PPP2R2B: variants seen among roughly 807,000 people sequenced by gnomAD.
PPP2R2B encodes the protein serine/threonine-protein phosphatase 2A 55 kDa regulatory subunit B beta isoform.
Under a neutral mutation model 46.0 loss-of-function variants are expected in PPP2R2B, and 5 were observed. The observed-to-expected ratio is 0.11, with a 90% CI of 0.06 to 0.23. PPP2R2B has a LOEUF of 0.23. PPP2R2B is among the 10% of genes least tolerant of loss of function. The pLI, the probability that PPP2R2B is intolerant of heterozygous loss-of-function variation, is 1.00. For missense variants in PPP2R2B, 367 were observed against 575.0 expected (o/e 0.64, Z 3.70); for synonymous variants, 215 against 206.7 (o/e 1.04, Z -0.34).
Position 146,766,498 on chromosome 5 carries a change from A to G in PPP2R2B, c.71-65356T>C, listed in dbSNP as rs10463387. Reference sequence around the variant, plus strand: ...AGAACCAAGTTAAAGTCTGACCAAGACTGAGGTAAAAAACACATAATTCCT... The same window carrying G: ...AGAACCAAGTTAAAGTCTGACCAAGGCTGAGGTAAAAAACACATAATTCCT... On this transcript the variant is annotated intron_variant, in intron 2 of 9. Transcript: ENST00000394411. Among the ~76,000 whole-genome samples, 83 of 152,282 alleles carry G rather than the reference A, an allele frequency of 5.5e-4. 1 individual carries two copies. In the East Asian group the frequency reaches 0.015, roughly 27 times the overall value.
chr5:146,630,361 A>C (rs1774345405), intron 7 of PPP2R2B, among the ~76,000 whole-genome samples: 1 of 152,146 alleles, frequency 6.6e-6, no homozygotes. Flanking sequence ...TTATTTGTAC[A>C]TTTGTGTTTT....
At chr5:146,778,980 G>A (rs945460344) in intron 2 of PPP2R2B, among the ~76,000 whole-genome samples, 1 of 152,156 alleles carries the variant, frequency 6.6e-6, no homozygotes, top group African/African-American at 2.4e-5. Flanking sequence ...TTAATGTGGG[G>A]GATCCAGTGT....
In PPP2R2B at chr5:146,983,850, CT is replaced by C. The variant is rs552781842; in HGVS notation, c.79+71814del. Among the ~76,000 whole-genome samples the C allele has an allele frequency of 3.3e-5, 5 of 151,662 alleles. No homozygotes were observed. In the East Asian group the frequency reaches 9.7e-4, roughly 29 times the overall value. On this transcript the variant is annotated intron_variant, in intron 1 of 8. Coordinates refer to the PPP2R2B transcript ENST00000336640. The stretch of plus-strand genomic sequence containing the variant: ...AATTTTTTTTCTCTTTAGAGGATTT[CT>C]TTTAATCATTCCTTTAGGGTTGATT...
At chr5:146,824,564 T>C (rs1758456320) in intron 2 of PPP2R2B, among the ~76,000 whole-genome samples, 1 of 151,978 alleles carries the variant, frequency 6.6e-6, no homozygotes, top group South Asian at 2.1e-4. Flanking sequence ...AAGCATTGGG[T>C]AAGAGGAAGG....
intron 1 of PPP2R2B, among the ~76,000 whole-genome samples, chr5:146,888,449 T>C (rs1000422399): frequency 4.7e-4 from 72 of 152,278 alleles, no homozygotes; most frequent in African/African-American, 1.6e-3. Context: ...GCTCCAACTA[T>C]CATCCTATCT....
intron 6 of PPP2R2B, 90 bp from the exon 7 acceptor site, chr5:146,638,505 T>TA: frequency 8.2e-7 from 1 of 1,220,034 alleles, no homozygotes; most frequent in Non-Finnish European, 1.1e-6. Context: ...CTTATATTAG[T>TA]AAAATATGTC....
chr5:146,894,719 C>T (rs888393292), intron 1 of PPP2R2B, among the ~76,000 whole-genome samples: 5 of 152,212 alleles, frequency 3.3e-5, no homozygotes, highest in Admixed American at 6.5e-5. Context: ...GTATTACAGG[C>T]ATGAGCCACC....
intron 2 of PPP2R2B, among the ~76,000 whole-genome samples, chr5:146,720,395 T>A (rs1236450247): frequency 6.6e-6 from 1 of 152,220 alleles, no homozygotes; most frequent in African/African-American, 2.4e-5. Context: ...ACCCTGAATC[T>A]TCTCCAGTTT....
At chr5:146,875,257 G>A (rs1238788125) in intron 2 of PPP2R2B, among the ~76,000 whole-genome samples, 2 of 152,118 alleles carry the variant, frequency 1.3e-5, no homozygotes, top group African/African-American at 4.8e-5. Context: ...TTGGAACATA[G>A]AAGATGCTCA....
chr5:146,958,193 A>C (rs1472099394), intron 1 of PPP2R2B, among the ~76,000 whole-genome samples: 1 of 152,128 alleles, frequency 6.6e-6, no homozygotes, highest in Non-Finnish European at 1.5e-5. Flanking sequence ...TCCAGGCACC[A>C]TCTATGAAGA....
chr5:146,923,774 T>G, intron 1 of PPP2R2B, among the ~76,000 whole-genome samples: 1 of 152,196 alleles, frequency 6.6e-6, no homozygotes, highest in African/African-American at 2.4e-5. Context: ...TGCACACATA[T>G]GTTTATTGCA....
chr5:146,925,900 C>T (rs1014627892), intron 1 of PPP2R2B, among the ~76,000 whole-genome samples: 6 of 152,054 alleles, frequency 3.9e-5, no homozygotes, highest in African/African-American at 1.4e-4. Context: ...TTCCTTGTCT[C>T]TCAAATCTGT....
intron 2 of PPP2R2B, among the ~76,000 whole-genome samples, chr5:146,862,405 G>A (rs1344502617): frequency 3.9e-5 from 6 of 152,224 alleles, no homozygotes; most frequent in Admixed American, 2.0e-4. Context: ...GGGAGATGAC[G>A]TGCAGGATCT....
At chr5:146,762,282 C>T (rs1055849735) in intron 2 of PPP2R2B, among the ~76,000 whole-genome samples, 2 of 152,178 alleles carry the variant, frequency 1.3e-5, no homozygotes, top group Admixed American at 1.3e-4. Flanking sequence ...ACAACGTGGA[C>T]TCAATGGGAA....
intron 5 of PPP2R2B, among the ~76,000 whole-genome samples, chr5:146,671,751 G>A (rs913418328): frequency 6.6e-6 from 1 of 152,188 alleles, no homozygotes; most frequent in African/African-American, 2.4e-5. Flanking sequence ...CTGACTGGCT[G>A]AATCCCTGCC....
intron 2 of PPP2R2B, among the ~76,000 whole-genome samples, chr5:147,069,791 T>TTTTTTTTC (rs1561611848): frequency 1.6e-5 from 2 of 121,308 alleles, no homozygotes; most frequent in South Asian, 3.0e-4. Context: ...TACTGTTTTT[T>TTTTTTTTC]TTTTTTTTTT....
intron 1 of PPP2R2B, among the ~76,000 whole-genome samples, chr5:147,011,287 A>G (rs1316339722): frequency 3.3e-5 from 5 of 151,208 alleles, no homozygotes; most frequent in African/African-American, 1.2e-4. Flanking sequence ...AGTCCTATTT[A>G]AAATTATAAA....
At chr5:147,056,150 G>A (rs963552404), upstream of PPP2R2B, 1 of 1,011,812 alleles carries the variant, frequency 9.9e-7, no homozygotes, top group Non-Finnish European at 1.2e-6. Context: ...GAGTAGTGAG[G>A]ATAAGTGACC....
chr5:146,957,147 G>A (rs1751949848), intron 1 of PPP2R2B, among the ~76,000 whole-genome samples: 1 of 152,212 alleles, frequency 6.6e-6, no homozygotes, highest in Admixed American at 6.5e-5. Flanking sequence ...ACCACTTGCA[G>A]TAAATATGTG....
Sources: allele counts gnomAD v4.1 joint callset (sites outside exome capture counted in the v4.1 genomes callset), GRCh38; gene constraint gnomAD v4.1.1; transcripts MANE v1.5; gene names NCBI Gene and HGNC (gene_info 2026-07-23, HGNC 2026-07-21).